The following DENND1A variants were observed in gnomAD, a reference collection of about 807,000 sequenced individuals.
DENND1A encodes DENN domain-containing protein 1A.
Under a neutral mutation model 113.7 loss-of-function variants are expected in DENND1A, and 51 were observed. The observed-to-expected ratio is 0.45, with a 90% confidence interval of 0.36 to 0.57. DENND1A has a LOEUF of 0.57. Among genes scored for constraint, DENND1A ranks in the 20% least tolerant of loss-of-function variants. DENND1A has a pLI of 0.00. For synonymous variants in DENND1A, 565 were observed against 570.8 expected (o/e 0.99, Z 0.14); for missense variants, 1,258 against 1,395.9 (o/e 0.90, Z 1.57).
At chr9:123,892,742 G>C (rs1341827739) in intron 1 of DENND1A, among the ~76,000 whole-genome samples, 1 of 152,210 alleles carries the variant, frequency 6.6e-6, no homozygotes. Flanking sequence ...AGCACTTTGA[G>C]ATGCCAAGGC....
intron 13 of DENND1A, chr9:123,492,971 T>C (rs2051514375): frequency 6.6e-6 from 1 of 152,164 alleles, no homozygotes; most frequent in Admixed American, 6.5e-5. Flanking sequence ...CCATTGAGGC[T>C]CTTGGGGAAT....
intron 13 of DENND1A, among the ~76,000 whole-genome samples, chr9:123,519,502 A>G (rs1410554920): frequency 6.6e-6 from 1 of 151,430 alleles, no homozygotes; most frequent in Non-Finnish European, 1.5e-5. Context: ...TGGTGGCACG[A>G]TCTTGGTTCA....
chr9:123,449,832 C>T (rs547706087), intron 18 of DENND1A, among the ~76,000 whole-genome samples: 6 of 152,088 alleles, frequency 3.9e-5, no homozygotes, highest in African/African-American at 9.6e-5. Context: ...ATAGACTTTG[C>T]GGACTCGGGG....
At chr9:123,875,569 C>A (rs1310432686) in intron 2 of DENND1A, among the ~76,000 whole-genome samples, 1 of 152,222 alleles carries the variant, frequency 6.6e-6, no homozygotes, top group Non-Finnish European at 1.5e-5. Flanking sequence ...ACAGCCCCCT[C>A]TCCATCCTGT....
intron 5 of DENND1A, among the ~76,000 whole-genome samples, chr9:123,689,245 G>A (rs952470795): frequency 1.3e-5 from 2 of 152,098 alleles, no homozygotes; most frequent in African/African-American, 2.4e-5. Context: ...GGCTGGTCTC[G>A]AACTTTTGAC....
intron 7 of DENND1A, among the ~76,000 whole-genome samples, chr9:123,667,591 T>C (rs1386483338): frequency 2.0e-5 from 3 of 152,186 alleles, no homozygotes; most frequent in African/African-American, 7.2e-5. Flanking sequence ...CACTCCAGCC[T>C]GGGCGACAAG....
At chr9:123,691,503 C>T (rs1277423927) in intron 5 of DENND1A, among the ~76,000 whole-genome samples, 1 of 151,374 alleles carries the variant, frequency 6.6e-6, no homozygotes, top group Admixed American at 6.6e-5. Context: ...GTTACTGGAT[C>T]CCAGAGTAAG....
At chr9:123,869,747 T>A (rs1283485994) in intron 2 of DENND1A, among the ~76,000 whole-genome samples, 1 of 152,172 alleles carries the variant, frequency 6.6e-6, no homozygotes, top group Admixed American at 6.5e-5. Flanking sequence ...ATGCCTATAA[T>A]CCCAACACTT....
intron 11 of DENND1A, 33 bp downstream of exon 11, chr9:123,609,403 A>T (rs760677915): frequency 3.7e-6 from 6 of 1,608,798 alleles, no homozygotes; most frequent in Non-Finnish European, 5.1e-6. Context: ...AGCCCCAGGT[A>T]GAGCCATCTG....
At chr9:123,597,885 T>A (rs2059764735) in intron 11 of DENND1A, among the ~76,000 whole-genome samples, 1 of 152,140 alleles carries the variant, frequency 6.6e-6, no homozygotes, top group Admixed American at 6.5e-5. Context: ...AAGGTTTTCA[T>A]AAAGACGACC....
intron 9 of DENND1A, among the ~76,000 whole-genome samples, chr9:123,642,112 T>C (rs2062061283): frequency 6.6e-6 from 1 of 152,234 alleles, no homozygotes; most frequent in African/African-American, 2.4e-5. Context: ...TGATACTCTG[T>C]ATTACAGAGT....
At chr9:123,844,744 G>C (rs1199780603) in intron 2 of DENND1A, among the ~76,000 whole-genome samples, 1 of 152,144 alleles carries the variant, frequency 6.6e-6, no homozygotes, top group Non-Finnish European at 1.5e-5. Flanking sequence ...GGAGATGCAA[G>C]GGACCCAGAA....
chr9:123,836,129 T>G (rs888611709), intron 2 of DENND1A, among the ~76,000 whole-genome samples: 1 of 152,136 alleles, frequency 6.6e-6, no homozygotes, highest in Non-Finnish European at 1.5e-5. Flanking sequence ...AACCAGAAAT[T>G]TTATTGACAA....
chr9:123,774,322 T>G (rs1830163086), intron 3 of DENND1A, among the ~76,000 whole-genome samples: 1 of 152,156 alleles, frequency 6.6e-6, no homozygotes, highest in African/African-American at 2.4e-5. Context: ...AATTTCTACC[T>G]TAAGCCATTT....
At chr9:123,567,362 C>G (rs1298994998) in intron 12 of DENND1A, among the ~76,000 whole-genome samples, 1 of 152,150 alleles carries the variant, frequency 6.6e-6, no homozygotes, top group Non-Finnish European at 1.5e-5. Flanking sequence ...GTGTAAGTTA[C>G]CTTTGAAAAA....
intron 1 of DENND1A, among the ~76,000 whole-genome samples, chr9:123,890,074 G>A (rs1328230041): frequency 1.3e-5 from 2 of 152,164 alleles, no homozygotes; most frequent in African/African-American, 4.8e-5. Context: ...GGTTACCTTA[G>A]AACTCACATA....
chr9:123,853,742 A>G (rs1343316654), intron 2 of DENND1A, among the ~76,000 whole-genome samples: 1 of 152,122 alleles, frequency 6.6e-6, no homozygotes, highest in Admixed American at 6.6e-5. Context: ...TCTCCAAGAG[A>G]TTTGTTTTTT....
At position 123,667,026 on chromosome 9, in the gene DENND1A, A is replaced by G. The variant is rs2063525322; in HGVS notation, c.507T>C (p.Asn169=). The change falls in exon 8 of 24, where the codon AAT becomes AAC. Residue 169 remains asparagine, a splice_region_variant and synonymous_variant. Transcript: ENST00000394215. ...TTTTTTCTTCTTCCCAAGTACTTAC[A>G]TTCTCAGGTATGCTGGGAAGTTCTC... ...DTRELPSIPE[N]RNLTEYFVAV... is the part of the protein sequence containing the mutation. 6.3e-7 allele frequency: 1 copy of G among 1,590,540 alleles called. No homozygotes were observed. Among genetic ancestry groups the G allele is most frequent in the Non-Finnish European group, 8.5e-7 (1 of 1,172,962 alleles).
chr9:123,525,824 T>C (rs2054793902), intron 13 of DENND1A, among the ~76,000 whole-genome samples: 1 of 149,460 alleles, frequency 6.7e-6, no homozygotes, highest in Non-Finnish European at 1.5e-5. Context: ...AGTGGTGTGA[T>C]TATGATTCAC....
Sources: allele counts gnomAD v4.1 joint callset (sites outside exome capture counted in the v4.1 genomes callset), GRCh38; gene constraint gnomAD v4.1.1; transcripts MANE v1.5; gene names NCBI Gene and HGNC (gene_info 2026-07-23, HGNC 2026-07-21).